The following AXIN1 variants were observed in gnomAD, a reference collection of about 807,000 sequenced individuals.
The protein encoded by AXIN1 is axin-1.
In AXIN1, 30 loss-of-function variants were observed where a neutral mutation model predicts 76.4. That is an observed-to-expected ratio of 0.39 (90% CI 0.29 to 0.53). AXIN1 has a LOEUF of 0.53. Ranked by LOEUF, AXIN1 falls within the 20% of genes least tolerant of loss-of-function variation. The probability of loss-of-function intolerance (pLI) is 0.66; values close to 1 mark genes in which losing one functional copy is unlikely to be tolerated. For missense variants in AXIN1, 1,140 were observed against 1,198.8 expected (o/e 0.95, Z 0.72); for synonymous variants, 545 against 501.4 (o/e 1.09, Z -1.16).
chr16:298,364 G>A (rs1057362536), intron 5 of AXIN1, 113 bp from the exon 6 acceptor site: 1 of 1,450,058 alleles, frequency 6.9e-7, no homozygotes, highest in African/African-American at 1.4e-5. Flanking sequence ...CCAGCCCAGG[G>A]TGGCCGGGGG....
Position 288,112 on chromosome 16 carries a change from CACCAGCCT to C in AXIN1, c.*2_*9del. 1 of 1,613,212 alleles carries C rather than the reference CACCAGCCT, an allele frequency of 6.2e-7. No homozygotes were observed. The highest frequency in any genetic ancestry group is 8.5e-7 in the Non-Finnish European group (1 of 1,180,012). ...GCCTCGCCTGGCACAGCGGCCAGCC[CACCAGCCT>C]ATCAGTCCACCTTCTCCACTTTGCC... On this transcript the variant is annotated 3_prime_UTR_variant, in exon 11 of 11. Coordinates refer to ENST00000262320, the MANE Select transcript of AXIN1 (RefSeq NM_003502.4).
At chr16:305,930 C>T (rs1227516247) in intron 4 of AXIN1, among the ~76,000 whole-genome samples, 1 of 152,202 alleles carries the variant, frequency 6.6e-6, no homozygotes, top group Non-Finnish European at 1.5e-5. Flanking sequence ...TCCCAAAGCA[C>T]TGGGATTACC....
intron 2 of AXIN1, among the ~76,000 whole-genome samples, chr16:324,290 C>T (rs1362786386): frequency 6.6e-6 from 1 of 152,242 alleles, no homozygotes; most frequent in Non-Finnish European, 1.5e-5. Flanking sequence ...GCTACATTTG[C>T]TCTACAGGTC....
chr16:322,069 G>A (rs2053471226), intron 2 of AXIN1, among the ~76,000 whole-genome samples: 1 of 152,226 alleles, frequency 6.6e-6, no homozygotes. Context: ...CATGAAGACG[G>A]AGGTGGCCGC....
At chr16:344,817 G>C (rs2054002132) in intron 2 of AXIN1, among the ~76,000 whole-genome samples, 1 of 152,200 alleles carries the variant, frequency 6.6e-6, no homozygotes, top group African/African-American at 2.4e-5. Context: ...GTATCACTTA[G>C]ACTACAAGTT....
intron 5 of AXIN1, among the ~76,000 whole-genome samples, chr16:303,142 G>A (rs1268216185): frequency 6.6e-6 from 1 of 152,070 alleles, no homozygotes; most frequent in Non-Finnish European, 1.5e-5. Flanking sequence ...GGTCACAGGT[G>A]TGCACTGCCC....
In AXIN1 at chr16:289,592, C is replaced by G; in HGVS notation, c.2310G>C (p.Arg770Ser). Residue 770 changes from arginine (R) to serine (S), a missense_variant, in exon 10 of 11, where the codon AGG becomes AGC. By Grantham distance (110) the Arg-to-Ser change is moderately radical. Coordinates refer to ENST00000262320, the MANE Select transcript of AXIN1 (RefSeq NM_003502.4). ...GCTGGGCACTCCCGCCGCCCACCTT[C>G]CTCTGCGATCTTGTCCTGGGGAAAG... ...ELSETETRSQ[R>S]KVGGGSAQPC... The G allele has an allele frequency of 6.2e-7, 1 of 1,612,894 alleles. No homozygotes were observed. Among genetic ancestry groups the G allele is most frequent in the Non-Finnish European group, 8.5e-7 (1 of 1,179,936 alleles).
rs774448016 is a variant in AXIN1 at position 346,581 on chromosome 16, T to C, written c.445A>G (p.Ile149Val). ...GACACGATGCCATTGTTATCAAGAA[T>C]GTACTTTCGGTAGATGGCTCTCGCC... ...KLARAIYRKY[I>V]LDNNGIVSRQ... Residue 149 changes from isoleucine (I) to valine (V), a missense_variant, in exon 2 of 11, where the codon ATT (isoleucine) becomes GTT (valine). This residue lies in a region of AXIN1 where 708 missense variants were observed against 776.9 expected (regional missense o/e 0.91). Coordinates refer to ENST00000262320, the MANE Select transcript of AXIN1 (RefSeq NM_003502.4). 1.3e-5 allele frequency: 21 copies of C among 1,611,518 alleles called. 1 individual carries two copies. The South Asian group carries it at 2.0e-4, about 15-fold the overall frequency.
intron 2 of AXIN1, among the ~76,000 whole-genome samples, chr16:341,040 G>A (rs1357678128): frequency 6.6e-6 from 1 of 152,250 alleles, no homozygotes; most frequent in African/African-American, 2.4e-5. Flanking sequence ...AGCACCCGAG[G>A]GCTGGCCCTC....
chr16:303,551 T>C (rs1384719904), intron 5 of AXIN1, among the ~76,000 whole-genome samples: 1 of 152,020 alleles, frequency 6.6e-6, no homozygotes, highest in African/African-American at 2.4e-5. Context: ...CGGCTAATTT[T>C]TGTATTTTTC....
intron 2 of AXIN1, among the ~76,000 whole-genome samples, chr16:340,191 G>A (rs1238584721): frequency 6.6e-6 from 1 of 152,082 alleles, no homozygotes; most frequent in Non-Finnish European, 1.5e-5. Context: ...ACCTCGAAAG[G>A]ACCCACCGGT....
intron 2 of AXIN1, among the ~76,000 whole-genome samples, chr16:342,141 T>C (rs1289260035): frequency 1.3e-5 from 2 of 152,132 alleles, no homozygotes; most frequent in Non-Finnish European, 2.9e-5. Flanking sequence ...CAGTAAGTCT[T>C]GCTGCTGCTC....
At position 352,418 on chromosome 16, in the gene AXIN1, G is replaced by A; in HGVS notation, c.-131C>T. ...CGGGCCCGGCTCCCGGAGCGGCGCG[G>A]CGCGGTCCGGGCCCATGCGCTCAGC... is the stretch of plus-strand genomic sequence containing the variant. On this transcript the variant is annotated 5_prime_UTR_variant, in exon 1 of 11. Coordinates refer to ENST00000262320, the MANE Select transcript of AXIN1 (RefSeq NM_003502.4). 1 of 830,012 alleles carries A rather than the reference G, an allele frequency of 1.2e-6. No homozygotes were observed. The highest frequency in any genetic ancestry group is 1.3e-6 in the Non-Finnish European group (1 of 758,824). The allele number at this position is 830,012 out of a possible 1,614,324, so 51.4% of individuals were successfully genotyped here.
chr16:349,795 T>C (rs1475296047), intron 1 of AXIN1, among the ~76,000 whole-genome samples: 2 of 152,198 alleles, frequency 1.3e-5, no homozygotes, highest in Non-Finnish European at 2.9e-5. Flanking sequence ...ATGGGTTTTG[T>C]TGTTTTGTTT....
At chr16:325,695 C>A (rs1257356271) in intron 2 of AXIN1, among the ~76,000 whole-genome samples, 1 of 152,150 alleles carries the variant, frequency 6.6e-6, no homozygotes, top group African/African-American at 2.4e-5. Flanking sequence ...GTCTGTCCCA[C>A]GTGGCTGCAG....
At chr16:337,497 CAAAAAAAAAA>C (rs35744069) in intron 2 of AXIN1, among the ~76,000 whole-genome samples, 1 of 72,034 alleles carries the variant, frequency 1.4e-5, no homozygotes, top group African/African-American at 4.3e-5. Flanking sequence ...GGGTCAAAAC[CAAAAAAAAAA>C]AAAAAAAAAA....
intron 6 of AXIN1, 102 bp from the exon 7 acceptor site, chr16:297,328 G>C (rs897652058): frequency 1.9e-4 from 291 of 1,495,726 alleles, no homozygotes; most frequent in Non-Finnish European, 2.4e-4. Context: ...AGGCTCCCGT[G>C]GTGCAGCCGC....
chr16:318,018 G>A (rs536953601), intron 2 of AXIN1, among the ~76,000 whole-genome samples: 27 of 152,338 alleles, frequency 1.8e-4, no homozygotes, highest in African/African-American at 5.3e-4. Flanking sequence ...GTAGCCCACG[G>A]CACTTGGTGC....
intron 4 of AXIN1, 42 bp downstream of exon 4, chr16:309,931 C>T (rs1344469366): frequency 7.5e-6 from 12 of 1,594,244 alleles, no homozygotes; most frequent in South Asian, 1.1e-5. Flanking sequence ...CCACGCTGAG[C>T]GGGGAGGACG....
Sources: allele counts gnomAD v4.1 joint callset (sites outside exome capture counted in the v4.1 genomes callset), GRCh38; gene constraint gnomAD v4.1.1; regional missense constraint gnomAD v4.1.1; transcripts MANE v1.5; gene names NCBI Gene and HGNC (gene_info 2026-07-23, HGNC 2026-07-21).